The following DLC1 variants were observed in gnomAD, a reference collection of about 807,000 sequenced individuals.
DLC1 encodes the protein rho GTPase-activating protein 7.
DLC1 carries 54 observed loss-of-function variants against 140.3 expected under a neutral mutation model. The observed-to-expected ratio is 0.38, with a 90% CI of 0.31 to 0.48. The LOEUF (loss-of-function observed/expected upper bound fraction) is 0.48. DLC1 is among the 20% of genes least tolerant of loss of function. The pLI, the probability that DLC1 is intolerant of heterozygous loss-of-function variation, is 0.96. For synonymous variants in DLC1, 986 were observed against 728.1 expected, an observed-to-expected ratio of 1.35 and a Z score of -5.70; for missense variants, 2,536 against 1,907.0, an observed-to-expected ratio of 1.33 and a Z score of -6.14.
At chr8:13,152,121 G>T (rs536505671) in intron 5 of DLC1, among the ~76,000 whole-genome samples, 1 of 152,174 alleles carries the variant, frequency 6.6e-6, no homozygotes, top group Non-Finnish European at 1.5e-5. Flanking sequence ...GTGCACAACT[G>T]TACTTGTAAG....
chr8:13,164,376 TTCTG>T (rs1824949906), intron 5 of DLC1, among the ~76,000 whole-genome samples: 1 of 152,052 alleles, frequency 6.6e-6, no homozygotes, highest in African/African-American at 2.4e-5. Context: ...CTATTTGTGT[TTCTG>T]TCTATCTGTG....
intron 1 of DLC1, among the ~76,000 whole-genome samples, chr8:13,539,484 G>A (rs1330947637): frequency 6.6e-6 from 1 of 152,106 alleles, no homozygotes; most frequent in Non-Finnish European, 1.5e-5. Flanking sequence ...ACAGGCGTGA[G>A]CCACTGCACC....
At chr8:13,090,216 T>TG (rs1341514179) in intron 15 of DLC1, 36 bp downstream of exon 15, 9 of 1,594,360 alleles carry the variant, frequency 5.6e-6, no homozygotes, top group African/African-American at 1.3e-5. Context: ...CTTCGACTCC[T>TG]GGACTCAACT....
chr8:13,577,992 A>T (rs1804905432), intron 1 of DLC1, among the ~76,000 whole-genome samples: 1 of 149,642 alleles, frequency 6.7e-6, no homozygotes, highest in South Asian at 2.2e-4. Flanking sequence ...AACACTGAGG[A>T]TCAGGTTCTA....
At chr8:13,603,778 T>C (rs1805962907) in intron 1 of DLC1, among the ~76,000 whole-genome samples, 1 of 152,090 alleles carries the variant, frequency 6.6e-6, no homozygotes, top group Non-Finnish European at 1.5e-5. Flanking sequence ...AGGAAAGCCA[T>C]GGTATCTGTT....
At chr8:13,258,710 C>G (rs1830358370) in intron 5 of DLC1, among the ~76,000 whole-genome samples, 1 of 152,268 alleles carries the variant, frequency 6.6e-6, no homozygotes, top group South Asian at 2.1e-4. Flanking sequence ...CATAGTATGT[C>G]CTACATGAAG....
At chr8:13,199,826 C>T (rs894859169) in intron 5 of DLC1, among the ~76,000 whole-genome samples, 1 of 152,098 alleles carries the variant, frequency 6.6e-6, no homozygotes, top group African/African-American at 2.4e-5. Context: ...GTCTACTCCA[C>T]AGCATGGCTT....
chr8:13,254,710 T>C (rs1401374598), intron 5 of DLC1, among the ~76,000 whole-genome samples: 1 of 133,884 alleles, frequency 7.5e-6, no homozygotes, highest in Admixed American at 9.1e-5. Flanking sequence ...AAAAAAAGGA[T>C]ATCTGAGAGT....
chr8:13,518,426 C>G (rs1440050588), upstream of DLC1, among the ~76,000 whole-genome samples: 1 of 152,130 alleles, frequency 6.6e-6, no homozygotes, highest in Admixed American at 6.6e-5. Context: ...CTCTTTTCTA[C>G]TTAGGTACTT....
At chr8:13,521,697 G>A (rs1047919196) in intron 1 of DLC1, among the ~76,000 whole-genome samples, 8 of 152,102 alleles carry the variant, frequency 5.3e-5, no homozygotes, top group Admixed American at 2.6e-4. Context: ...CACCATTTGG[G>A]GGAGTGAAGC....
intron 2 of DLC1, among the ~76,000 whole-genome samples, chr8:13,443,360 A>C (rs111688150): frequency 2.6e-5 from 4 of 151,514 alleles, no homozygotes; most frequent in African/African-American, 9.7e-5. Flanking sequence ...AAAAAAAAAA[A>C]AAAAACTGCC....
chr8:13,537,913 C>G (rs1803343856), intron 1 of DLC1, among the ~76,000 whole-genome samples: 1 of 152,002 alleles, frequency 6.6e-6, no homozygotes, highest in East Asian at 1.9e-4. Context: ...CTCGGCCTCC[C>G]AAAGTTCTGG....
In DLC1 at chr8:13,499,261, T is replaced by G; in HGVS notation, c.811A>C (p.Lys271Gln). Residue 271 changes from lysine to glutamine, a missense_variant, in exon 2 of 18, where the codon AAA becomes CAA. By Grantham distance (53) the Lys-to-Gln change is moderately conservative. Coordinates refer to ENST00000276297, the MANE Select transcript of DLC1 (RefSeq NM_182643.3). Reference sequence around the variant, plus strand: ...AGAAGGCAGCTTCCAAAATCTGTTTTTAATAATGGCAGTCCTCTGTTTGTG... The same window carrying G: ...AGAAGGCAGCTTCCAAAATCTGTTTGTAATAATGGCAGTCCTCTGTTTGTG... ...PCTNRGLPLL[K>Q]TDFGSCLLQP... 1 of 1,614,164 alleles carries G rather than the reference T, an allele frequency of 6.2e-7. No homozygotes were observed. Among genetic ancestry groups the G allele is most frequent in the Non-Finnish European group, 8.5e-7 (1 of 1,180,010 alleles).
At chr8:13,330,754 C>T (rs938523343) in intron 4 of DLC1, among the ~76,000 whole-genome samples, 16 of 152,086 alleles carry the variant, frequency 1.1e-4, no homozygotes, top group African/African-American at 3.4e-4. Flanking sequence ...CACTACCTTC[C>T]TTTTGAATTT....
At chr8:13,576,962 A>G (rs1804861743) in intron 1 of DLC1, among the ~76,000 whole-genome samples, 1 of 151,958 alleles carries the variant, frequency 6.6e-6, no homozygotes, top group Admixed American at 6.6e-5. Flanking sequence ...CTTACCGAGG[A>G]ACATATTAGT....
chr8:13,597,101 TTGAC>T (rs1805706855), intron 1 of DLC1, among the ~76,000 whole-genome samples: 1 of 151,942 alleles, frequency 6.6e-6, no homozygotes, highest in Admixed American at 6.6e-5. Context: ...CACTTGGACT[TTGAC>T]TGGCCATATA....
intron 1 of DLC1, among the ~76,000 whole-genome samples, chr8:13,553,168 A>G (rs569200020): frequency 6.9e-6 from 1 of 144,890 alleles, no homozygotes; most frequent in South Asian, 2.2e-4. Context: ...AGTAACATTT[A>G]TAAGTCATTA....
At chr8:13,474,709 C>G (rs1283442974) in intron 2 of DLC1, among the ~76,000 whole-genome samples, 2 of 152,214 alleles carry the variant, frequency 1.3e-5, no homozygotes, top group African/African-American at 2.4e-5. Flanking sequence ...GTGAGACATA[C>G]AGTCAAAGAA....
intron 1 of DLC1, among the ~76,000 whole-genome samples, chr8:13,543,567 C>G (rs1385545132): frequency 2.0e-5 from 3 of 152,052 alleles, no homozygotes; most frequent in Non-Finnish European, 2.9e-5. Context: ...CCATCAACCA[C>G]TGAGTGGATA....
Sources: gnomAD v4.1 joint callset for allele counts (sites outside exome capture counted in the v4.1 genomes callset) on GRCh38, gnomAD v4.1.1 for gene constraint, MANE v1.5 for transcripts, NCBI Gene and HGNC (gene_info 2026-07-23, HGNC 2026-07-21) for gene names.